Variants in CAST observed in about 807,000 individuals in gnomAD.
CAST encodes the protein MIR583 host.
Under a neutral mutation model 119.6 loss-of-function variants are expected in CAST, and 76 were observed. That is an observed-to-expected ratio of 0.64 (90% confidence interval 0.53 to 0.77). CAST has a LOEUF of 0.77. Ranked by LOEUF, CAST falls within the 30% of genes least tolerant of loss-of-function variation. The probability of loss-of-function intolerance (pLI) is 0.00; values close to 1 mark genes in which losing one functional copy is unlikely to be tolerated. For synonymous variants in CAST, 319 were observed against 331.6 expected (o/e 0.96, Z 0.41); for missense variants, 953 against 946.5 (o/e 1.01, Z -0.09).
the CAST span, among the ~76,000 whole-genome samples, chr5:96,456,119 G>T: frequency 6.6e-6 from 1 of 152,154 alleles, no homozygotes; most frequent in African/African-American, 2.4e-5. Context: ...ATGACCGAAG[G>T]ATGACCCGAG....
chr5:96,766,341 T>A (rs922308630), intron 27 of CAST, among the ~76,000 whole-genome samples, 196 bp downstream of exon 27: 1 of 152,196 alleles, frequency 6.6e-6, no homozygotes, highest in East Asian at 1.9e-4. Context: ...ATGCATATGC[T>A]AGGCTCTGTG....
the CAST span, among the ~76,000 whole-genome samples, chr5:96,076,499 G>A: frequency 3.3e-5 from 5 of 152,116 alleles, no homozygotes; most frequent in African/African-American, 9.7e-5. Context: ...AAATCCTTCT[G>A]CGTGTAAATA....
the CAST span, among the ~76,000 whole-genome samples, chr5:96,049,889 C>CAAAAAAAAAAAAAAAAAAAAA: frequency 2.3e-4 from 8 of 34,186 alleles, no homozygotes; most frequent in African/African-American, 3.1e-4. Context: ...GAACAGGAGG[C>CAAAAAAAAAAAAAAAAAAAAA]AAAAAAAAAA....
At chr5:96,652,143 T>C (rs889041513) in intron 1 of CAST, among the ~76,000 whole-genome samples, 3 of 152,228 alleles carry the variant, frequency 2.0e-5, no homozygotes, top group Non-Finnish European at 2.9e-5. Flanking sequence ...CTTCCTGCAG[T>C]GGCCACTAGG....
chr5:96,498,668 G>A, the CAST span, among the ~76,000 whole-genome samples: 1 of 152,128 alleles, frequency 6.6e-6, no homozygotes, highest in Non-Finnish European at 1.5e-5. Flanking sequence ...TTTTATTTGT[G>A]GTAAATAATT....
intron 25 of CAST, among the ~76,000 whole-genome samples, chr5:96,763,433 A>G (rs1317034614): frequency 6.6e-6 from 1 of 152,236 alleles, no homozygotes; most frequent in Non-Finnish European, 1.5e-5. Context: ...AGGAAGAATC[A>G]TTAATAGCCT....
the CAST span, chr5:96,432,819 TC>T: frequency 6.4e-7 from 1 of 1,562,582 alleles, no homozygotes; most frequent in South Asian, 1.1e-5. Flanking sequence ...GTCCCGCCAG[TC>T]CCCTGGGGCC....
At chr5:96,429,796 T>C in the CAST span, among the ~76,000 whole-genome samples, 2 of 152,210 alleles carry the variant, frequency 1.3e-5, no homozygotes, top group East Asian at 3.8e-4. Context: ...GATAGAGGTC[T>C]TAAGATGACC....
the CAST span, among the ~76,000 whole-genome samples, chr5:96,248,969 G>A: frequency 1.3e-5 from 2 of 152,182 alleles, no homozygotes; most frequent in Non-Finnish European, 2.9e-5. Context: ...TTCTGTTGGG[G>A]CTTCTCTACC....
At chr5:96,366,411 C>G in the CAST span, among the ~76,000 whole-genome samples, 3 of 152,158 alleles carry the variant, frequency 2.0e-5, no homozygotes, top group South Asian at 6.2e-4. Flanking sequence ...TGGATAATAT[C>G]CTGCAGAGTG....
the CAST span, among the ~76,000 whole-genome samples, chr5:96,356,763 C>A: frequency 6.6e-6 from 1 of 152,052 alleles, no homozygotes; most frequent in Non-Finnish European, 1.5e-5. Context: ...AGTCAGGTAG[C>A]GTGATGCCTC....
the CAST span, among the ~76,000 whole-genome samples, chr5:96,378,880 A>G: frequency 1.3e-5 from 2 of 152,242 alleles, no homozygotes; most frequent in South Asian, 2.1e-4. Context: ...TTTTTACCTA[A>G]TGGAGATTAC....
chr5:96,754,358 C>T (rs987515247), intron 21 of CAST, among the ~76,000 whole-genome samples, 197 bp downstream of exon 21: 3 of 152,174 alleles, frequency 2.0e-5, no homozygotes, highest in Admixed American at 6.5e-5. Context: ...AGTGGATGGT[C>T]GACATGCACA....
At chr5:96,203,426 C>T in the CAST span, among the ~76,000 whole-genome samples, 4 of 151,732 alleles carry the variant, frequency 2.6e-5, no homozygotes, top group Non-Finnish European at 5.9e-5. Context: ...TACAGGGTTA[C>T]AAAGGACACA....
At chr5:95,979,841 G>A in the CAST span, among the ~76,000 whole-genome samples, 1 of 152,168 alleles carries the variant, frequency 6.6e-6, no homozygotes, top group Non-Finnish European at 1.5e-5. Context: ...AGTGTGGCAA[G>A]GCATGGTGGC....
At chr5:96,359,765 AT>A in the CAST span, among the ~76,000 whole-genome samples, 1 of 151,762 alleles carries the variant, frequency 6.6e-6, no homozygotes, top group Non-Finnish European at 1.5e-5. Context: ...TGCCCTTAAC[AT>A]TTTTTCCTTC....
At chr5:96,635,670 G>A (rs2150202495) in intron 1 of CAST, among the ~76,000 whole-genome samples, 1 of 152,226 alleles carries the variant, frequency 6.6e-6, no homozygotes, top group Middle Eastern at 3.4e-3. Context: ...CATTTGTTCT[G>A]TCCTAGTGAA....
At chr5:96,429,430 G>T in the CAST span, 1 of 652,266 alleles carries the variant, frequency 1.5e-6, no homozygotes, top group Non-Finnish European at 2.7e-6. Context: ...CCCATTCCTG[G>T]TATCTGAAAT....
At chr5:96,054,537 C>T in the CAST span, among the ~76,000 whole-genome samples, 1 of 152,024 alleles carries the variant, frequency 6.6e-6, no homozygotes, top group South Asian at 2.1e-4. Context: ...CAAGAAAAGC[C>T]ACATTTGGTA....
Sources: allele counts gnomAD v4.1 joint callset (sites outside exome capture counted in the v4.1 genomes callset), GRCh38; gene constraint gnomAD v4.1.1; transcripts MANE v1.5; gene names NCBI Gene and HGNC (gene_info 2026-07-23, HGNC 2026-07-21).